Variants in SRGAP3 observed in about 807,000 individuals in gnomAD.
SRGAP3 encodes the protein SLIT-ROBO Rho GTPase activating protein 3, also known as SLIT-ROBO Rho GTPase-activating protein 3.
Under a neutral mutation model 121.1 loss-of-function variants are expected in SRGAP3, and 39 were observed. The ratio of observed to expected loss-of-function variants is 0.32; its 90% CI spans 0.25 to 0.42. SRGAP3 has a LOEUF of 0.42. Among genes scored for constraint, SRGAP3 ranks in the 10% least tolerant of loss-of-function variants. The probability of loss-of-function intolerance (pLI) is 1.00; values close to 1 mark genes in which losing one functional copy is unlikely to be tolerated. For missense variants in SRGAP3, 1,213 were observed against 1,470.6 expected (o/e 0.82, Z 2.86); for synonymous variants, 601 against 570.0 (o/e 1.05, Z -0.77).
intron 1 of SRGAP3, among the ~76,000 whole-genome samples, chr3:9,176,586 T>C (rs780487640): frequency 7.3e-5 from 11 of 151,664 alleles, no homozygotes; most frequent in Non-Finnish European, 1.6e-4. Flanking sequence ...AGAAAAGAGG[T>C]TTAATTGGCT....
At chr3:9,026,511 A>G (rs1944207941) in intron 13 of SRGAP3, among the ~76,000 whole-genome samples, 1 of 152,238 alleles carries the variant, frequency 6.6e-6, no homozygotes, top group Admixed American at 6.5e-5. Flanking sequence ...AGACATCATT[A>G]TTAGGTTGGT....
At chr3:9,222,391 A>G (rs1952843581) in intron 1 of SRGAP3, among the ~76,000 whole-genome samples, 2 of 152,232 alleles carry the variant, frequency 1.3e-5, no homozygotes, top group South Asian at 4.1e-4. Context: ...GTCCCAGGCC[A>G]GCCTGGGGCC....
At chr3:9,221,434 G>A (rs974937884) in intron 1 of SRGAP3, among the ~76,000 whole-genome samples, 3 of 152,196 alleles carry the variant, frequency 2.0e-5, no homozygotes, top group Non-Finnish European at 1.5e-5. Context: ...CTACTCAGGA[G>A]GCTGAGACAG....
At chr3:9,127,227 C>T (rs1949269042) in intron 1 of SRGAP3, among the ~76,000 whole-genome samples, 2 of 152,022 alleles carry the variant, frequency 1.3e-5, no homozygotes, top group South Asian at 4.1e-4. Context: ...TTCCCAGCTA[C>T]TCAGGAGGCT....
chr3:9,060,948 A>C (rs1946141510), intron 5 of SRGAP3, among the ~76,000 whole-genome samples: 1 of 152,132 alleles, frequency 6.6e-6, no homozygotes, highest in East Asian at 1.9e-4. Flanking sequence ...GGTGTAAATA[A>C]GATCCCTGGC....
chr3:9,084,244 G>T (rs2669984), intron 3 of SRGAP3, among the ~76,000 whole-genome samples: 44,695 of 151,954 alleles, frequency 0.29, 7,288 homozygotes, highest in South Asian at 0.37. Context: ...CCATGAATTT[G>T]CCCAGGAATT....
chr3:9,072,096 C>T (rs1355448896), intron 4 of SRGAP3, among the ~76,000 whole-genome samples: 1 of 152,174 alleles, frequency 6.6e-6, no homozygotes, highest in African/African-American at 2.4e-5. Context: ...TTCAGCCTCC[C>T]CAACTACCCA....
chr3:9,100,084 G>A (rs409103), intron 3 of SRGAP3, among the ~76,000 whole-genome samples: 51,101 of 152,134 alleles, frequency 0.34, 9,509 homozygotes, highest in Non-Finnish European at 0.43. Context: ...TCGTGATTTT[G>A]GGAGAAATCT....
At chr3:9,349,821 A>T (rs1035726654) in intron 1 of SRGAP3, 2 of 152,252 alleles carry the variant, frequency 1.3e-5, no homozygotes, top group Non-Finnish European at 2.9e-5. Flanking sequence ...GCCATTCCTC[A>T]TACCAACATG....
At chr3:9,005,546 G>A (rs1943023078) in intron 18 of SRGAP3, among the ~76,000 whole-genome samples, 1 of 152,170 alleles carries the variant, frequency 6.6e-6, no homozygotes, top group African/African-American at 2.4e-5. Context: ...ATTGACAAAT[G>A]GATAAACAAA....
intron 12 of SRGAP3, among the ~76,000 whole-genome samples, chr3:9,031,702 C>G (rs906664): frequency 0.44 from 66,997 of 152,108 alleles, 14,901 homozygotes; most frequent in East Asian, 0.68. Context: ...CACAAGTAGA[C>G]AGCTGGAGCA....
At chr3:9,251,825 C>T (rs932541328), upstream of SRGAP3, among the ~76,000 whole-genome samples, 4 of 152,104 alleles carry the variant, frequency 2.6e-5, no homozygotes, top group Admixed American at 1.3e-4. Flanking sequence ...TGGTGGTTTA[C>T]CTTCTGGCTC....
intron 1 of SRGAP3, among the ~76,000 whole-genome samples, chr3:9,132,126 G>T (rs1236103175): frequency 1.3e-5 from 2 of 151,864 alleles, no homozygotes; most frequent in Admixed American, 1.3e-4. Context: ...GCCATTTTAG[G>T]TTTACCAAAA....
intron 3 of SRGAP3, among the ~76,000 whole-genome samples, chr3:9,288,130 G>GTTTTTTTTTTTTT (rs57076828): frequency 8.4e-6 from 1 of 119,100 alleles, no homozygotes; most frequent in Non-Finnish European, 1.7e-5. Context: ...TTCTATCTTT[G>GTTTTTTTTTTTTT]TTTTTTTTTT....
intron 1 of SRGAP3, among the ~76,000 whole-genome samples, chr3:9,155,801 CT>C (rs1368866345): frequency 1.3e-5 from 2 of 152,058 alleles, no homozygotes; most frequent in African/African-American, 4.8e-5. Context: ...ATTACTTATT[CT>C]TTTTTATAGA....
intron 3 of SRGAP3, among the ~76,000 whole-genome samples, chr3:9,093,565 TCATC>T (rs146504902): frequency 0.02 from 3,096 of 151,942 alleles, 103 homozygotes; most frequent in African/African-American, 0.071. Flanking sequence ...ATCCATCCAT[TCATC>T]CATCCATCCA....
At chr3:9,192,160 C>T (rs578234542) in intron 1 of SRGAP3, among the ~76,000 whole-genome samples, 2 of 152,308 alleles carry the variant, frequency 1.3e-5, no homozygotes, top group South Asian at 4.1e-4. Context: ...GCTTGGGGTC[C>T]TCAAACTCTG....
In SRGAP3 at chr3:8,990,802, G is replaced by A. The variant is rs201685879; in HGVS notation, c.2596C>T (p.Arg866Cys). The A allele has an allele frequency of 9.5e-5, 151 of 1,581,556 alleles. No homozygotes were observed. The highest frequency in any genetic ancestry group is 8.4e-4 in the Middle Eastern group (5 of 5,920). ...LRSDGAAIPR[R>C]RSGGDTHSPP... The stretch of plus-strand genomic sequence containing the variant: ...CTGTGTGTGTCGCCCCCGCTTCGGC[G>A]TCTGGGGATGGCTGCTCCATCAGAT... Residue 866 changes from arginine (R) to cysteine (C), a missense_variant, in exon 21 of 22, where the codon CGC (arginine) becomes TGC (cysteine). Physicochemically the swap from Arg to Cys is radical, Grantham distance 180 (BLOSUM62 -3). This residue lies in a region of SRGAP3 where 420 missense variants were observed against 437.7 expected (regional missense o/e 0.96). Transcript: ENST00000383836.
chr3:9,340,791 G>A (rs1389344976), intron 1 of SRGAP3, among the ~76,000 whole-genome samples: 1 of 152,236 alleles, frequency 6.6e-6, no homozygotes, highest in East Asian at 1.9e-4. Flanking sequence ...AACCCTGTAT[G>A]ACGGACTGGG....
Sources: gnomAD v4.1 joint callset for allele counts (sites outside exome capture counted in the v4.1 genomes callset) on GRCh38, gnomAD v4.1.1 for gene constraint, gnomAD v4.1.1 regional missense constraint, MANE v1.5 for transcripts, NCBI Gene and HGNC (gene_info 2026-07-23, HGNC 2026-07-21) for gene names.